Variants in JAZF1 observed in about 807,000 individuals in gnomAD.
JAZF1 encodes the protein juxtaposed with another zinc finger protein 1.
In JAZF1, 8 loss-of-function variants were observed where a neutral mutation model predicts 26.4. The ratio of observed to expected loss-of-function variants is 0.30; its 90% confidence interval spans 0.18 to 0.55. The LOEUF is 0.55. JAZF1 is among the 20% of genes least tolerant of loss of function. JAZF1 has a pLI of 0.94. For synonymous variants in JAZF1, 126 were observed against 122.3 expected (o/e 1.03, Z -0.20); for missense variants, 199 against 322.0 (o/e 0.62, Z 2.92).
intron 2 of JAZF1, among the ~76,000 whole-genome samples, chr7:27,978,825 C>A (rs1230071680): frequency 6.6e-6 from 1 of 151,028 alleles, no homozygotes; most frequent in African/African-American, 2.4e-5. Context: ...ACATAAAGAC[C>A]ACAGTACCCT....
chr7:27,956,102 C>T (rs1785086932), intron 2 of JAZF1, among the ~76,000 whole-genome samples: 1 of 152,146 alleles, frequency 6.6e-6, no homozygotes, highest in African/African-American at 2.4e-5. Flanking sequence ...GAAGTAGTGA[C>T]AGAGTGTCAA....
chr7:27,871,148 G>A (rs897556400), intron 3 of JAZF1, among the ~76,000 whole-genome samples: 9 of 152,220 alleles, frequency 5.9e-5, no homozygotes, highest in African/African-American at 2.2e-4. Flanking sequence ...TCAAACCACT[G>A]AATAACTTCG....
chr7:27,861,735 A>T (rs1783385142), intron 3 of JAZF1, among the ~76,000 whole-genome samples: 1 of 152,104 alleles, frequency 6.6e-6, no homozygotes, highest in African/African-American at 2.4e-5. Context: ...CTGTCTGCTC[A>T]TATTTAAAAG....
intron 1 of JAZF1, among the ~76,000 whole-genome samples, chr7:28,089,161 A>C (rs980164854): frequency 1.3e-5 from 2 of 152,246 alleles, no homozygotes; most frequent in Non-Finnish European, 2.9e-5. Flanking sequence ...TAAAAATCTA[A>C]TCCCCAATGT....
intron 3 of JAZF1, among the ~76,000 whole-genome samples, chr7:27,893,057 C>A (rs1159708662): frequency 6.6e-6 from 1 of 152,128 alleles, no homozygotes; most frequent in Non-Finnish European, 1.5e-5. Flanking sequence ...GTCTGTCAAC[C>A]ATGAGTCCCC....
chr7:27,945,649 G>A (rs1426454796), intron 2 of JAZF1, among the ~76,000 whole-genome samples: 2 of 152,162 alleles, frequency 1.3e-5, no homozygotes, highest in Non-Finnish European at 2.9e-5. Context: ...CAGCTGCATC[G>A]GCATTGCCTG....
At chr7:27,861,547 T>A (rs1387641680) in intron 3 of JAZF1, among the ~76,000 whole-genome samples, 1 of 112,808 alleles carries the variant, frequency 8.9e-6, no homozygotes, top group African/African-American at 3.4e-5. Context: ...CTACTTTTTT[T>A]ATTCTTTTTT....
intron 3 of JAZF1, among the ~76,000 whole-genome samples, chr7:27,890,995 G>A (rs1229191973): frequency 6.6e-6 from 1 of 151,956 alleles, no homozygotes; most frequent in Non-Finnish European, 1.5e-5. Context: ...TCACCATGTT[G>A]GCCAGGCTCA....
intron 1 of JAZF1, among the ~76,000 whole-genome samples, chr7:28,032,226 T>G (rs1783204685): frequency 1.3e-5 from 2 of 152,346 alleles, no homozygotes; most frequent in South Asian, 4.1e-4. Context: ...CTCTCTTCTT[T>G]AACCTGCAAA....
intron 3 of JAZF1, among the ~76,000 whole-genome samples, chr7:27,869,984 C>T (rs1583439826): frequency 6.6e-6 from 1 of 152,146 alleles, no homozygotes; most frequent in African/African-American, 2.4e-5. Context: ...TACTGGCTCA[C>T]TGCAACCTCT....
chr7:27,992,231 C>T, intron 1 of JAZF1: 1 of 570,366 alleles, frequency 1.8e-6, no homozygotes, highest in Non-Finnish European at 3.4e-6. Flanking sequence ...CAAACTCTTG[C>T]ACAATCCCCC....
intron 2 of JAZF1, among the ~76,000 whole-genome samples, chr7:27,975,748 G>A (rs1255041254): frequency 6.6e-6 from 1 of 152,154 alleles, no homozygotes; most frequent in African/African-American, 2.4e-5. Context: ...TTTGAATTGG[G>A]CTCAAAGATG....
rs1046903122 is a variant in JAZF1 at position 28,142,710 on chromosome 7, G to A, written c.115+37753C>T. On this transcript the variant is annotated intron_variant, in intron 1 of 4. Coordinates refer to ENST00000283928, the MANE Select transcript of JAZF1 (RefSeq NM_175061.4). ...AGTATGTCTCAGCAGGCCACCCAGGGCCCTGCTAGCCCATGCAGCCCTTTC... is the reference window on the plus strand; with the variant it reads ...AGTATGTCTCAGCAGGCCACCCAGGACCCTGCTAGCCCATGCAGCCCTTTC... 3.9e-5 allele frequency among the ~76,000 whole-genome samples: 6 copies of A among 152,280 alleles called. No individual in the cohort carries two copies. The South Asian group carries it at 1.0e-3, about 26-fold the overall frequency.
At chr7:28,124,501 G>A (rs111924971) in intron 1 of JAZF1, among the ~76,000 whole-genome samples, 6,102 of 152,162 alleles carry the variant, frequency 0.04, 377 homozygotes, top group African/African-American at 0.13. Context: ...CCCCAGTGCC[G>A]TCCTTTCATC....
intron 1 of JAZF1, among the ~76,000 whole-genome samples, chr7:28,091,345 A>T (rs1784293346): frequency 6.6e-6 from 1 of 151,920 alleles, no homozygotes; most frequent in African/African-American, 2.4e-5. Flanking sequence ...TTTCACGACT[A>T]TTTAAAACCA....
chr7:27,997,905 T>A (rs530339212), intron 1 of JAZF1, among the ~76,000 whole-genome samples: 24 of 151,668 alleles, frequency 1.6e-4, no homozygotes, highest in African/African-American at 5.8e-4. Context: ...CCAAGAACAG[T>A]CAAGAAATTG....
intron 1 of JAZF1, among the ~76,000 whole-genome samples, chr7:28,139,033 C>G (rs1423494249): frequency 6.6e-6 from 1 of 152,280 alleles, no homozygotes; most frequent in African/African-American, 2.4e-5. Flanking sequence ...TGCCCCACTG[C>G]CCAGCACTGA....
chr7:28,002,611 C>T (rs963625072), intron 1 of JAZF1, among the ~76,000 whole-genome samples: 13 of 152,052 alleles, frequency 8.5e-5, no homozygotes, highest in Admixed American at 7.2e-4. Flanking sequence ...GTCCATAAGG[C>T]GTTTTGAAAC....
chr7:27,831,271 G>C lies in JAZF1; in HGVS notation c.*1529C>G, dbSNP rs1458134780. On this transcript the variant is annotated 3_prime_UTR_variant, in exon 5 of 5. Transcript: ENST00000283928. ...GAACTGTCATCCTTTCAAAATGTCT[G>C]AAAATTGAGGAGGGACCCCTGCTTC... The C allele has an allele frequency of 1.8e-5, 4 of 226,042 alleles. No homozygotes were observed. The highest frequency in any genetic ancestry group is 2.6e-5 in the Non-Finnish European group (3 of 113,366). 14.0% of individuals were successfully genotyped at this position (226,042 alleles called of 1,614,324 possible).
Sources: allele counts gnomAD v4.1 joint callset (sites outside exome capture counted in the v4.1 genomes callset), GRCh38; gene constraint gnomAD v4.1.1; transcripts MANE v1.5; gene names NCBI Gene and HGNC (gene_info 2026-07-23, HGNC 2026-07-21).